Variants in DNAH8 observed in about 807,000 individuals in gnomAD.
DNAH8 encodes the protein axonemal beta dynein heavy chain 8.
In DNAH8, 382 loss-of-function variants were observed where a neutral mutation model predicts 562.1. That is an observed-to-expected ratio of 0.68 (90% CI 0.63 to 0.74). DNAH8 has a LOEUF of 0.74. Among genes scored for constraint, DNAH8 ranks in the 30% least tolerant of loss-of-function variants. The pLI is 0.00. For missense variants in DNAH8, 5,203 were observed against 5,620.4 expected, an observed-to-expected ratio of 0.93 and a Z score of 2.37; for synonymous variants, 1,881 against 1,919.4, an observed-to-expected ratio of 0.98 and a Z score of 0.52.
At chr6:38,744,251 G>A (rs1764743780) in intron 8 of DNAH8, 1 of 152,144 alleles carries the variant, frequency 6.6e-6, no homozygotes, top group South Asian at 2.1e-4. Flanking sequence ...GGGTGATGAG[G>A]GTGCCTAAGG....
intron 11 of DNAH8, among the ~76,000 whole-genome samples, chr6:38,766,102 G>A (rs916959928): frequency 2.1e-5 from 3 of 142,238 alleles, no homozygotes; most frequent in African/African-American, 7.6e-5. Flanking sequence ...AGAAAATGGG[G>A]TATATAGGGT....
chr6:38,802,068 G>A (rs1218362099), intron 21 of DNAH8, among the ~76,000 whole-genome samples: 1 of 151,836 alleles, frequency 6.6e-6, no homozygotes, highest in African/African-American at 2.4e-5. Context: ...GAGTAGGTGG[G>A]ACCACAGGCA....
At chr6:38,999,613 C>CA (rs1373126673) in intron 88 of DNAH8, among the ~76,000 whole-genome samples, 1 of 151,950 alleles carries the variant, frequency 6.6e-6, no homozygotes, top group Non-Finnish European at 1.5e-5. Flanking sequence ...AAGGCATTTG[C>CA]AACCCATTCC....
intron 8 of DNAH8, among the ~76,000 whole-genome samples, chr6:38,742,993 A>ATGT (rs144662466): frequency 7.5e-6 from 1 of 133,872 alleles, no homozygotes; most frequent in Non-Finnish European, 1.6e-5. Flanking sequence ...TTCCAAAAAA[A>ATGT]TGTTGTTGTT....
chr6:38,884,023 A>G (rs1282750726), intron 56 of DNAH8, 25 bp downstream of exon 56: 3 of 1,421,084 alleles, frequency 2.1e-6, no homozygotes, highest in South Asian at 1.7e-5. Context: ...TCTCATATAG[A>G]TGATCCTGAA....
chr6:38,991,497 T>G (rs1332816725), intron 88 of DNAH8, among the ~76,000 whole-genome samples: 2 of 152,222 alleles, frequency 1.3e-5, no homozygotes, highest in Non-Finnish European at 2.9e-5. Context: ...TTGCTTTAGC[T>G]GAGACTTTAA....
intron 37 of DNAH8, among the ~76,000 whole-genome samples, 185 bp from the exon 38 acceptor site, chr6:38,850,066 T>G (rs1188423748): frequency 6.6e-6 from 1 of 151,406 alleles, no homozygotes; most frequent in Non-Finnish European, 1.5e-5. Context: ...TAATATGCAG[T>G]TTTATAACTT....
At chr6:38,858,866 C>T (rs1776396902) in intron 42 of DNAH8, among the ~76,000 whole-genome samples, 1 of 152,180 alleles carries the variant, frequency 6.6e-6, no homozygotes, top group African/African-American at 2.4e-5. Flanking sequence ...CTGCTGTCAG[C>T]ATACGTTTGA....
Position 38,842,751 on chromosome 6 carries a change from C to G in DNAH8, c.4693C>G (p.Leu1565Val). ...RIDDFSESCP[L>V]LEMMTNKAMK... ...TGATGATTTCAGTGAGTCATGTCCT[C>G]TACTGGAAATGATGACCAATAAGGC... Residue 1565 changes from leucine (L) to valine (V), a missense_variant, in exon 35 of 93, where the codon CTA becomes GTA. Leu to Val is a conservative substitution (Grantham distance 32). Transcript: ENST00000327475. 1 of 1,613,772 alleles carries G rather than the reference C, an allele frequency of 6.2e-7. No homozygotes were observed. The highest frequency in any genetic ancestry group is 8.5e-7 in the Non-Finnish European group (1 of 1,179,878).
At chr6:38,826,470 T>A in intron 29 of DNAH8, 79 bp downstream of exon 29, 1 of 863,664 alleles carries the variant, frequency 1.2e-6, no homozygotes, top group South Asian at 1.7e-5. Context: ...AGAAAGTGAT[T>A]CTTTAACATA....
chr6:38,751,387 C>G (rs1257913628), intron 9 of DNAH8, among the ~76,000 whole-genome samples: 3 of 152,108 alleles, frequency 2.0e-5, no homozygotes, highest in Non-Finnish European at 2.9e-5. Context: ...TGGCTAGAAG[C>G]AAGTGAATCT....
rs115273355 is a variant in DNAH8 at position 38,741,102 on chromosome 6, A to G, written c.1117-609A>G. ...ATCATGTCCTTGGTTTTAAAGTGAT[A>G]TTTTCTAAAATGTCACCTTTGGCCA... On this transcript the variant is annotated intron_variant, in intron 7 of 92. Transcript: ENST00000327475. Among the ~76,000 whole-genome samples the G allele has an allele frequency of 5.9e-3, 894 of 152,108 alleles. 3 individuals are homozygous for G. Among genetic ancestry groups the G allele is most frequent in the Admixed American group, 0.011 (161 of 15,260 alleles).
intron 2 of DNAH8, 53 bp downstream of exon 2, chr6:38,723,252 A>G: frequency 6.3e-7 from 1 of 1,575,474 alleles, no homozygotes; most frequent in Non-Finnish European, 8.6e-7. Context: ...ATCAAATACG[A>G]AATACTTTTA....
At chr6:38,777,163 A>G (rs1768150862) in intron 13 of DNAH8, among the ~76,000 whole-genome samples, 1 of 152,148 alleles carries the variant, frequency 6.6e-6, no homozygotes, top group Admixed American at 6.5e-5. Context: ...ATATGAAGAT[A>G]TATTATATTT....
chr6:38,900,049 A>G (rs545527769), intron 62 of DNAH8, 143 bp downstream of exon 62: 2 of 654,600 alleles, frequency 3.1e-6, no homozygotes, highest in African/African-American at 3.8e-5. Context: ...ATATTTACGC[A>G]AGTGTCACAA....
Position 38,853,331 on chromosome 6 carries a change from G to C in DNAH8, c.5717G>C (p.Ser1906Thr). 1 of 1,613,154 alleles carries C rather than the reference G, an allele frequency of 6.2e-7. No individual in the cohort carries two copies. Among genetic ancestry groups the C allele is most frequent in the Non-Finnish European group, 8.5e-7 (1 of 1,179,624 alleles). Residue 1906 changes from serine (S) to threonine (T), a missense_variant, in exon 41 of 93, where the codon AGC becomes ACC. Ser to Thr is a moderately conservative substitution (Grantham distance 58). This residue lies in a region of DNAH8 where 2,176 missense variants were observed against 2,365.1 expected (regional missense o/e 0.92). Transcript: ENST00000327475. ...GGATTTCAACTCTTACCATTCCTCA[G>C]CCACTTTCCAGCACAGGTGAGAATA... is the stretch of plus-strand genomic sequence containing the variant. ...DSGFQLLPFLSHFPAQVGLLG... is the reference protein window; with the variant it reads ...DSGFQLLPFLTHFPAQVGLLG...
intron 79 of DNAH8, among the ~76,000 whole-genome samples, chr6:38,944,022 T>C (rs540633397): frequency 6.6e-6 from 1 of 152,240 alleles, no homozygotes; most frequent in South Asian, 2.1e-4. Flanking sequence ...CTGGGTTAGT[T>C]TAGGAAACAC....
chr6:38,815,777 C>T (rs1772204310), intron 26 of DNAH8, 120 bp downstream of exon 26: 1 of 989,882 alleles, frequency 1.0e-6, no homozygotes, highest in South Asian at 2.3e-5. Context: ...TATGTTTCAT[C>T]TTAAACATAA....
chr6:38,726,178 G>T (rs572514029), intron 3 of DNAH8, among the ~76,000 whole-genome samples: 2 of 152,310 alleles, frequency 1.3e-5, no homozygotes, highest in Admixed American at 1.3e-4. Context: ...CCTGAAAATT[G>T]CTGGGCCACA....
Sources: gnomAD v4.1 joint callset for allele counts (sites outside exome capture counted in the v4.1 genomes callset) on GRCh38, gnomAD v4.1.1 for gene constraint, gnomAD v4.1.1 regional missense constraint, MANE v1.5 for transcripts, NCBI Gene and HGNC (gene_info 2026-07-23, HGNC 2026-07-21) for gene names.